PDE8B: variants seen among roughly 807,000 people sequenced by gnomAD.
PDE8B encodes the protein high affinity cAMP-specific and IBMX-insensitive 3',5'-cyclic phosphodiesterase 8B.
A neutral mutation model predicts 101.3 loss-of-function variants in PDE8B; 26 were observed. The observed-to-expected ratio is 0.26, with a 90% CI of 0.19 to 0.36. The LOEUF is 0.36. Among genes scored for constraint, PDE8B ranks in the 10% least tolerant of loss-of-function variants. PDE8B has a pLI of 1.00. For missense variants in PDE8B, 810 were observed against 1,163.1 expected, an observed-to-expected ratio of 0.70 and a Z score of 4.42; for synonymous variants, 424 against 429.3, an observed-to-expected ratio of 0.99 and a Z score of 0.15.
At chr5:77,161,126 T>A in the PDE8B span, among the ~76,000 whole-genome samples, 1 of 152,200 alleles carries the variant, frequency 6.6e-6, no homozygotes, top group Non-Finnish European at 1.5e-5. Context: ...AAGTATATAA[T>A]TCAGTGAGTT....
At chr5:77,409,243 A>G (rs1794079276) in intron 14 of PDE8B, among the ~76,000 whole-genome samples, 186 bp downstream of exon 14, 2 of 152,196 alleles carry the variant, frequency 1.3e-5, no homozygotes, top group South Asian at 2.1e-4. Context: ...TGACTCTTGC[A>G]TTTGTCTTTC....
At position 77,426,592 on chromosome 5, in the gene PDE8B, A is replaced by C; in HGVS notation, c.*38A>C. On this transcript the variant is annotated 3_prime_UTR_variant, in exon 22 of 22. Coordinates refer to ENST00000264917, the MANE Select transcript of PDE8B (RefSeq NM_003719.5). ...GAGGGGGCCTCTTGACCGACAAAGG[A>C]CACTGTGAATCACAGTAGCGTAAAC... is the stretch of plus-strand genomic sequence containing the variant. 1 of 1,068,414 alleles carries C rather than the reference A, an allele frequency of 9.4e-7. No homozygotes were observed. The highest frequency in any genetic ancestry group is 1.7e-5 in the Admixed American group (1 of 58,192). 66.2% of individuals were successfully genotyped at this position (1,068,414 alleles called of 1,614,324 possible).
At chr5:77,270,882 G>A (rs775138590) in intron 1 of PDE8B, among the ~76,000 whole-genome samples, 1 of 152,166 alleles carries the variant, frequency 6.6e-6, no homozygotes, top group Non-Finnish European at 1.5e-5. Flanking sequence ...GGAGGACTCC[G>A]GAGTCACACA....
chr5:77,330,954 G>T (rs940528454), intron 4 of PDE8B, among the ~76,000 whole-genome samples: 1 of 152,318 alleles, frequency 6.6e-6, no homozygotes, highest in African/African-American at 2.4e-5. Context: ...TGGATTGGGG[G>T]TCTTGCAGCC....
At chr5:77,122,921 G>T in the PDE8B span, among the ~76,000 whole-genome samples, 1 of 152,340 alleles carries the variant, frequency 6.6e-6, no homozygotes, top group East Asian at 1.9e-4. Flanking sequence ...ACACCCTGGT[G>T]TAGGCTTTCT....
chr5:77,390,407 C>T (rs1187115835), intron 10 of PDE8B, among the ~76,000 whole-genome samples: 1 of 152,316 alleles, frequency 6.6e-6, no homozygotes, highest in East Asian at 1.9e-4. Context: ...AAGAGCTTCA[C>T]AGGCCAAGGA....
In PDE8B at chr5:77,394,338, C is replaced by T. The variant is rs548420846; in HGVS notation, c.1168-5910C>T. The stretch of plus-strand genomic sequence containing the variant: ...GTCAGTCCTAGGGAAAAAAGAGGCT[C>T]TCTGCTCATGAGTATCTCCTCCTCG... On this transcript the variant is annotated intron_variant, in intron 10 of 21. Transcript: ENST00000264917. 2.6e-5 allele frequency among the ~76,000 whole-genome samples: 4 copies of T among 152,238 alleles called. No individual in the cohort carries two copies. The South Asian group carries it at 8.3e-4, about 32-fold the overall frequency.
At chr5:77,141,140 A>G in the PDE8B span, 1 of 152,342 alleles carries the variant, frequency 6.6e-6, no homozygotes, top group East Asian at 1.9e-4. Context: ...AAAGCTATAA[A>G]TTTTGGGAAT....
At chr5:77,112,595 T>C in the PDE8B span, 1 of 152,322 alleles carries the variant, frequency 6.6e-6, no homozygotes, top group South Asian at 2.1e-4. Flanking sequence ...CTGGAAGCAT[T>C]CTCTTTGAAA....
At chr5:77,409,640 AG>A (rs1794152262) in intron 14 of PDE8B, among the ~76,000 whole-genome samples, 1 of 152,168 alleles carries the variant, frequency 6.6e-6, no homozygotes, top group Non-Finnish European at 1.5e-5. Flanking sequence ...GCTGGTTTCT[AG>A]GGACTCAACC....
the PDE8B span, among the ~76,000 whole-genome samples, chr5:77,192,233 A>G: frequency 0.16 from 24,776 of 152,118 alleles, 2,439 homozygotes; most frequent in East Asian, 0.42. Context: ...GTTTTGACAA[A>G]GTAAGTCATC....
the PDE8B span, chr5:77,145,833 TA>T: frequency 3.3e-5 from 5 of 152,200 alleles, no homozygotes; most frequent in Non-Finnish European, 1.5e-5. Context: ...AGCAGAATGA[TA>T]AAACTACTCA....
chr5:77,381,186 G>A (rs1467962341), intron 10 of PDE8B, among the ~76,000 whole-genome samples: 1 of 152,178 alleles, frequency 6.6e-6, no homozygotes, highest in African/African-American at 2.4e-5. Flanking sequence ...TTAAACAGGA[G>A]AATGACAGGA....
chr5:77,314,941 T>C (rs1189120586), intron 2 of PDE8B, among the ~76,000 whole-genome samples: 1 of 152,164 alleles, frequency 6.6e-6, no homozygotes, highest in East Asian at 1.9e-4. Flanking sequence ...TGATGAGCAC[T>C]TTTTTATTTG....
the PDE8B span, among the ~76,000 whole-genome samples, chr5:77,167,242 G>C: frequency 1.6e-4 from 25 of 152,158 alleles, no homozygotes; most frequent in Non-Finnish European, 2.8e-4. Flanking sequence ...GTGTGGCCCT[G>C]CTTGTCAACA....
intron 1 of PDE8B, among the ~76,000 whole-genome samples, chr5:77,220,740 C>A (rs575920368): frequency 6.6e-6 from 1 of 152,270 alleles, no homozygotes; most frequent in South Asian, 2.1e-4. Flanking sequence ...TATGGGTGTC[C>A]TTTGGGAGAA....
chr5:77,091,573 G>A, the PDE8B span, among the ~76,000 whole-genome samples: 1 of 152,052 alleles, frequency 6.6e-6, no homozygotes, highest in Admixed American at 6.6e-5. Context: ...ACCCGGAGGC[G>A]GAGGTTGCAG....
In PDE8B at chr5:77,258,378, G is replaced by A. The variant is rs573715981; in HGVS notation, c.339+47114G>A. Reference sequence around the variant, plus strand: ...ATGGAGCATGGTCCATTGTAGACCAGGGAGATAGGCAGGGGCAGGGGCTAG... The same window carrying A: ...ATGGAGCATGGTCCATTGTAGACCAAGGAGATAGGCAGGGGCAGGGGCTAG... On this transcript the variant is annotated intron_variant, in intron 1 of 21. Transcript: ENST00000264917. Among the ~76,000 whole-genome samples, 4 of 152,076 alleles carry A rather than the reference G, an allele frequency of 2.6e-5. No individual in the cohort carries two copies. The East Asian group carries it at 7.7e-4, about 29-fold the overall frequency.
the PDE8B span, among the ~76,000 whole-genome samples, chr5:77,143,395 GT>G: frequency 1.3e-5 from 2 of 152,156 alleles, no homozygotes; most frequent in African/African-American, 4.8e-5. Flanking sequence ...AATGTAACCT[GT>G]TATACGCCAG....
Sources: gnomAD v4.1 joint callset for allele counts (sites outside exome capture counted in the v4.1 genomes callset) on GRCh38, gnomAD v4.1.1 for gene constraint, MANE v1.5 for transcripts, NCBI Gene and HGNC (gene_info 2026-07-23, HGNC 2026-07-21) for gene names.